Variants in INTS6L observed in about 807,000 individuals in gnomAD.
INTS6L encodes integrator complex subunit 6 like, also known as integrator complex subunit 6-like.
Under a neutral mutation model 64.7 loss-of-function variants are expected in INTS6L, and 18 were observed. That is an observed-to-expected ratio of 0.28 (90% CI 0.19 to 0.41). The LOEUF (loss-of-function observed/expected upper bound fraction) is 0.41, where lower values mean the gene tolerates loss of function less well. Ranked by LOEUF, INTS6L falls within the 10% of genes least tolerant of loss-of-function variation. The pLI is 1.00. For synonymous variants in INTS6L, 227 were observed against 235.9 expected, an observed-to-expected ratio of 0.96 and a Z score of 0.34; for missense variants, 533 against 661.0, an observed-to-expected ratio of 0.81 and a Z score of 2.12.
chrX:135,552,260 G>A, intron 8 of INTS6L, 114 bp downstream of exon 8: 1 of 851,290 alleles, frequency 1.2e-6, no homozygotes, highest in Non-Finnish European at 1.6e-6. Flanking sequence ...TGCTAATGAT[G>A]TTTCTCATGA....
chrX:135,526,428 A>G (rs1325576495), intron 2 of INTS6L, among the ~76,000 whole-genome samples: 1 of 111,700 alleles, frequency 9.0e-6, no homozygotes, highest in South Asian at 3.8e-4. Flanking sequence ...TTCACCCACA[A>G]TGAAAAATTA....
chrX:135,574,085 T>C (rs1556529508), intron 13 of INTS6L, 23 bp downstream of exon 13: 6 of 1,054,873 alleles, frequency 5.7e-6, no homozygotes, highest in Middle Eastern at 2.6e-4. Context: ...TGAAATACTT[T>C]TTTTTTTTTT....
intron 17 of INTS6L, 110 bp downstream of exon 17, chrX:135,581,253 T>C: frequency 1.8e-6 from 1 of 564,725 alleles, no homozygotes; most frequent in African/African-American, 2.3e-5. Context: ...TCTCAAACCC[T>C]GGCCCTCACT....
intron 14 of INTS6L, 111 bp from the exon 15 acceptor site, chrX:135,577,082 A>G (rs1460589597): frequency 1.4e-6 from 1 of 703,194 alleles, no homozygotes; most frequent in Non-Finnish European, 2.1e-6. Context: ...AAAAAGACAT[A>G]TTCGTGATAT....
At chrX:135,579,175 T>C (rs2087308852) in intron 15 of INTS6L, among the ~76,000 whole-genome samples, 2 of 111,759 alleles carry the variant, frequency 1.8e-5, no homozygotes, top group African/African-American at 6.5e-5. Context: ...TTACTGCTGA[T>C]CTCCAGCTCC....
chrX:135,538,682 G>A lies in INTS6L; in HGVS notation c.190-6741G>A, dbSNP rs1347888643. On this transcript the variant is annotated intron_variant, in intron 2 of 17. Transcript: ENST00000639893. ...TATGGCAGCTATAGCCCTACAAAAT[G>A]TACTTCTTAATAGCCTTACAAAATG... Among the ~76,000 whole-genome samples, 3 of 112,064 alleles carry A rather than the reference G, an allele frequency of 2.7e-5. No homozygotes were observed. The Admixed American group carries it at 2.8e-4, about 11-fold the overall frequency.
At position 135,545,515 on chromosome X, in the gene INTS6L, C is replaced by T. The variant is rs2086331670; in HGVS notation, c.282C>T (p.Ser94=). The change falls in exon 3 of 18, where the codon TCC becomes TCT. Residue 94 remains serine (S), a synonymous_variant. Transcript: ENST00000639893. ...CTACTCTCGGTCAGGCTCTAAGATC[C>T]TCATTTGATTTGTTAAATCTCAATA... The part of the protein sequence containing the change: ...GLTTLGQALR[S]SFDLLNLNRL... 1 of 1,208,264 alleles carries T rather than the reference C, an allele frequency of 8.3e-7. No homozygotes were observed. The highest frequency in any genetic ancestry group is 2.2e-5 in the Admixed American group (1 of 45,445).
intron 2 of INTS6L, among the ~76,000 whole-genome samples, chrX:135,535,045 C>T (rs1253695660): frequency 1.8e-5 from 2 of 110,840 alleles, no homozygotes; most frequent in African/African-American, 3.3e-5. Flanking sequence ...CTCCTTTGAG[C>T]GTTGAAGTAT....
chrX:135,582,360 A>G lies in INTS6L; in HGVS notation c.*724A>G, dbSNP rs782128230. On this transcript the variant is annotated 3_prime_UTR_variant, in exon 18 of 18. Transcript: ENST00000639893. ...GTGCTTTGGAAGCACAAGAAGAACA[A>G]AATATGTGTATATTTCCTTTAATGT... 1.8e-5 allele frequency: 2 copies of G among 112,690 alleles called. No homozygotes were observed. Among genetic ancestry groups the G allele is most frequent in the Non-Finnish European group, 3.8e-5 (2 of 53,312 alleles). 9.3% of individuals were successfully genotyped at this position (112,690 alleles called of 1,213,427 possible).
In INTS6L at chrX:135,573,959, C is replaced by T. The variant is rs1556529257; in HGVS notation, c.1638C>T (p.Tyr546=). 4.2e-6 allele frequency: 5 copies of T among 1,199,302 alleles called. No individual in the cohort carries two copies. Among genetic ancestry groups the T allele is most frequent in the Non-Finnish European group, 5.6e-6 (5 of 890,992 alleles). The part of the protein sequence containing the change: ...LLNKDLKPQT[Y]RNAYDIPRRG... ...AATAGGATTTGAAACCTCAGACATA[C>T]AGAAATGCTTATGATATTCCCCGTA... The change falls in exon 13 of 18, where the codon TAC becomes TAT. Residue 546 remains tyrosine (Y), a synonymous_variant. Coordinates refer to ENST00000639893, the MANE Select transcript of INTS6L (RefSeq NM_001351601.3).
chrX:135,552,293 G>T, intron 8 of INTS6L, 147 bp downstream of exon 8: 1 of 603,115 alleles, frequency 1.7e-6, no homozygotes, highest in African/African-American at 2.3e-5. Flanking sequence ...AAGCAACAGG[G>T]CCAGGCAAAT....
At chrX:135,553,761 A>G (rs1175466925) in intron 8 of INTS6L, among the ~76,000 whole-genome samples, 2 of 111,887 alleles carry the variant, frequency 1.8e-5, no homozygotes, top group Non-Finnish European at 3.8e-5. Context: ...ATTTAAAATA[A>G]AGATATGACC....
chrX:135,552,786 A>G (rs1268592702), intron 8 of INTS6L, among the ~76,000 whole-genome samples: 4 of 112,401 alleles, frequency 3.6e-5, no homozygotes, highest in African/African-American at 1.3e-4. Context: ...CAGAGATGGC[A>G]GTCACAGCCT....
chrX:135,564,731 C>A (rs868965003), intron 9 of INTS6L, among the ~76,000 whole-genome samples: 37 of 95,283 alleles, frequency 3.9e-4, no homozygotes, highest in East Asian at 6.6e-4. Flanking sequence ...TACACTGTCT[C>A]AAAAAAAAAA....
Position 135,581,672 on chromosome X carries a change from TG to T in INTS6L, c.*37del. 1 of 1,111,748 alleles carries T rather than the reference TG, an allele frequency of 9.0e-7. No individual in the cohort carries two copies. The highest frequency in any genetic ancestry group is 1.2e-6 in the Non-Finnish European group (1 of 806,177). The allele number at this position is 1,111,748 out of a possible 1,213,427, so 91.6% of individuals were successfully genotyped here. On this transcript the variant is annotated 3_prime_UTR_variant, in exon 18 of 18. Transcript: ENST00000639893. ...AGTGAGAAAAAAATGACAAGTTTTC[TG>T]TGCTGTAGGATGGAACAGGATATTG...
chrX:135,579,895 G>A lies in INTS6L; in HGVS notation c.2227G>A (p.Gly743Arg). The A allele has an allele frequency of 8.3e-7, 1 of 1,211,683 alleles. No homozygotes were observed. Among genetic ancestry groups the A allele is most frequent in the Non-Finnish European group, 1.1e-6 (1 of 895,456 alleles). ...TCCATCAGAGCTTATAAATATGACA[G>A]GAGATCTTATGCCACCCAACCAAGT... ...SAPSELINMT[G>R]DLMPPNQVDS... is the part of the protein sequence containing the mutation. The change falls in exon 16 of 18, where the codon GGA (glycine) becomes AGA (arginine). Residue 743 changes from glycine to arginine, a missense_variant. By Grantham distance (125) the Gly-to-Arg change is moderately radical. Transcript: ENST00000639893.
intron 2 of INTS6L, among the ~76,000 whole-genome samples, chrX:135,528,575 C>T (rs1477190265): frequency 1.8e-5 from 2 of 111,278 alleles, no homozygotes; most frequent in Admixed American, 1.9e-4. Flanking sequence ...CACTTAGCCA[C>T]GTATGGTTAT....
intron 9 of INTS6L, among the ~76,000 whole-genome samples, chrX:135,567,766 G>T (rs2086991092): frequency 9.0e-6 from 1 of 111,686 alleles, no homozygotes; most frequent in Non-Finnish European, 1.9e-5. Flanking sequence ...GTCTTTAAAG[G>T]CCCCACTTGC....
At chrX:135,525,981 AGAG>A (rs1301351889) in intron 2 of INTS6L, among the ~76,000 whole-genome samples, 1 of 112,092 alleles carries the variant, frequency 8.9e-6, no homozygotes. Context: ...AGAAAAGGAG[AGAG>A]TCAACAGTAG....
Sources: allele counts gnomAD v4.1 joint callset (sites outside exome capture counted in the v4.1 genomes callset), GRCh38; gene constraint gnomAD v4.1.1; transcripts MANE v1.5; gene names NCBI Gene and HGNC (gene_info 2026-07-23, HGNC 2026-07-21).